NRP1: variants seen among roughly 807,000 people sequenced by gnomAD.
NRP1 encodes neuropilin 1.
In NRP1, 35 loss-of-function variants were observed where a neutral mutation model predicts 106.7. That is an observed-to-expected ratio of 0.33 (90% CI 0.25 to 0.43). NRP1 has a LOEUF of 0.43. Among genes scored for constraint, NRP1 ranks in the 20% least tolerant of loss-of-function variants. The pLI, the probability that NRP1 is intolerant of heterozygous loss-of-function variation, is 1.00. For synonymous variants in NRP1, 437 were observed against 417.9 expected (o/e 1.05, Z -0.56); for missense variants, 1,024 against 1,170.4 (o/e 0.87, Z 1.83).
chr10:33,330,590 T>TA (rs2132968889), intron 2 of NRP1, 118 bp downstream of exon 2: 1 of 745,948 alleles, frequency 1.3e-6, no homozygotes, highest in East Asian at 3.2e-5. Context: ...CTGGCTGAGA[T>TA]TGGAATCCCT....
At chr10:33,262,501 G>A (rs759116817) in intron 4 of NRP1, among the ~76,000 whole-genome samples, 2 of 151,884 alleles carry the variant, frequency 1.3e-5, no homozygotes, top group Non-Finnish European at 2.9e-5. Context: ...TCAGGAGTTC[G>A]AGACCAGCCT....
chr10:33,320,839 TG>T (rs751506245), intron 2 of NRP1, among the ~76,000 whole-genome samples: 34 of 152,266 alleles, frequency 2.2e-4, no homozygotes, highest in Non-Finnish European at 4.6e-4. Context: ...AAACGAGAGA[TG>T]AACACCTGTA....
chr10:33,319,313 A>C (rs979932977), intron 2 of NRP1, among the ~76,000 whole-genome samples: 9 of 151,664 alleles, frequency 5.9e-5, no homozygotes, highest in Non-Finnish European at 1.3e-4. Flanking sequence ...GAGGACTTAG[A>C]CACCTTTTCT....
intron 2 of NRP1, among the ~76,000 whole-genome samples, chr10:33,315,908 A>G (rs760214451): frequency 2.6e-5 from 4 of 152,168 alleles, no homozygotes; most frequent in Non-Finnish European, 4.4e-5. Context: ...GAAAAGGAGG[A>G]GTGAGCTTCA....
intron 4 of NRP1, among the ~76,000 whole-genome samples, chr10:33,262,305 C>T (rs985235456): frequency 6.6e-6 from 1 of 152,154 alleles, no homozygotes; most frequent in Non-Finnish European, 1.5e-5. Flanking sequence ...TGCCATTTAC[C>T]TTCTAATTCA....
chr10:33,232,315 T>C (rs1438743155), intron 6 of NRP1, among the ~76,000 whole-genome samples: 1 of 152,206 alleles, frequency 6.6e-6, no homozygotes, highest in Non-Finnish European at 1.5e-5. Context: ...CCCAATCAGC[T>C]CTGCTCTAAT....
rs1265922164 is a variant in NRP1, at chr10:33,179,068, C to T, written c.*1008G>A. ...TGAAAATACATTCCATATGAAAGAA[C>T]AATAAGAGAGAATATTGTAGCTTTA... On this transcript the variant is annotated 3_prime_UTR_variant, in exon 17 of 17. Coordinates refer to ENST00000374867, the MANE Select transcript of NRP1 (RefSeq NM_003873.7). The T allele has an allele frequency of 6.6e-6, 1 of 152,444 alleles. No homozygotes were observed. Among genetic ancestry groups the T allele is most frequent in the Admixed American group, 6.6e-5 (1 of 15,262 alleles). The allele number at this position is 152,444 out of a possible 1,614,324, so 9.4% of individuals were successfully genotyped here.
chr10:33,267,960 C>T (rs983520269), intron 3 of NRP1, among the ~76,000 whole-genome samples: 14 of 152,088 alleles, frequency 9.2e-5, no homozygotes, highest in African/African-American at 3.4e-4. Flanking sequence ...TGACCTCACA[C>T]CGGAAACCTC....
intron 6 of NRP1, among the ~76,000 whole-genome samples, chr10:33,238,707 T>C (rs1358170898): frequency 6.6e-6 from 1 of 152,206 alleles, no homozygotes; most frequent in Non-Finnish European, 1.5e-5. Flanking sequence ...GTGACCTGGA[T>C]AATGTTAAGC....
chr10:33,253,692 T>C (rs140557778), intron 6 of NRP1, among the ~76,000 whole-genome samples: 1 of 152,202 alleles, frequency 6.6e-6, no homozygotes, highest in African/African-American at 2.4e-5. Context: ...AGTGTGTAGT[T>C]GGGAAAAATC....
At chr10:33,290,404 G>A (rs1271671052) in intron 2 of NRP1, among the ~76,000 whole-genome samples, 1 of 146,690 alleles carries the variant, frequency 6.8e-6, no homozygotes, top group Non-Finnish European at 1.5e-5. Context: ...GGGGATGACC[G>A]ACCCTGGTTA....
chr10:33,217,838 G>A (rs962813972), intron 8 of NRP1, among the ~76,000 whole-genome samples: 2 of 152,146 alleles, frequency 1.3e-5, no homozygotes, highest in African/African-American at 2.4e-5. Context: ...GATTGAGGTC[G>A]TTATTTTCAG....
rs1835521777 is a variant in NRP1 at position 33,179,016 on chromosome 10, A to G, written c.*1060T>C. 1 of 152,656 alleles carries G rather than the reference A, an allele frequency of 6.6e-6. No individual in the cohort carries two copies. Among genetic ancestry groups the G allele is most frequent in the Admixed American group, 6.5e-5 (1 of 15,282 alleles). The allele number at this position is 152,656 out of a possible 1,614,324, so 9.5% of individuals were successfully genotyped here. On this transcript the variant is annotated 3_prime_UTR_variant, in exon 17 of 17. Transcript: ENST00000374867. The stretch of plus-strand genomic sequence containing the variant: ...GAGAGAAAAAAGACAGAGAGATAGG[A>G]GAGAGAAAGAGAAGAGAGTTTACAT...
At chr10:33,301,990 T>G (rs907544196) in intron 2 of NRP1, among the ~76,000 whole-genome samples, 2 of 151,854 alleles carry the variant, frequency 1.3e-5, no homozygotes, top group Non-Finnish European at 2.9e-5. Context: ...CATAGAGAAT[T>G]TATAAAAAGA....
intron 2 of NRP1, among the ~76,000 whole-genome samples, chr10:33,302,475 A>G (rs1321509305): frequency 6.6e-6 from 1 of 152,212 alleles, no homozygotes; most frequent in Non-Finnish European, 1.5e-5. Flanking sequence ...TGGCTATTGG[A>G]TAAGAACTTC....
intron 2 of NRP1, among the ~76,000 whole-genome samples, chr10:33,276,831 A>G (rs1843731527): frequency 6.6e-6 from 1 of 152,190 alleles, no homozygotes; most frequent in Non-Finnish European, 1.5e-5. Flanking sequence ...AGATTTATTG[A>G]AAGGACTACA....
chr10:33,298,713 C>CT (rs145156538), intron 2 of NRP1, among the ~76,000 whole-genome samples: 1,745 of 152,266 alleles, frequency 0.011, 33 homozygotes, highest in African/African-American at 0.04. Flanking sequence ...ATCTTTTCAT[C>CT]TTTTTATACT....
At chr10:33,235,545 C>T (rs537303499) in intron 6 of NRP1, among the ~76,000 whole-genome samples, 6 of 152,244 alleles carry the variant, frequency 3.9e-5, no homozygotes, top group Non-Finnish European at 8.8e-5. Context: ...AGAAGACAGT[C>T]TTCATGCATT....
At chr10:33,265,649 A>C (rs1385465129) in intron 3 of NRP1, among the ~76,000 whole-genome samples, 2 of 152,282 alleles carry the variant, frequency 1.3e-5, no homozygotes, top group East Asian at 3.9e-4. Flanking sequence ...GCAGATGCAG[A>C]AGAATTCTTA....
Sources: gnomAD v4.1 joint callset for allele counts (sites outside exome capture counted in the v4.1 genomes callset) on GRCh38, gnomAD v4.1.1 for gene constraint, MANE v1.5 for transcripts, NCBI Gene and HGNC (gene_info 2026-07-23, HGNC 2026-07-21) for gene names.